The following NSMAF variants were observed in gnomAD, a reference collection of about 807,000 sequenced individuals.
NSMAF encodes protein FAN.
In NSMAF, 90 loss-of-function variants were observed where a neutral mutation model predicts 134.9. The ratio of observed to expected loss-of-function variants is 0.67; its 90% confidence interval spans 0.56 to 0.79. The LOEUF (loss-of-function observed/expected upper bound fraction) is 0.79, where lower values mean the gene tolerates loss of function less well. NSMAF is among the 30% of genes least tolerant of loss of function. The probability of loss-of-function intolerance (pLI) is 0.00; values close to 1 mark genes in which losing one functional copy is unlikely to be tolerated. For synonymous variants in NSMAF, 358 were observed against 389.6 expected, an observed-to-expected ratio of 0.92 and a Z score of 0.96; for missense variants, 1,010 against 1,119.0, an observed-to-expected ratio of 0.90 and a Z score of 1.39.
Position 58,585,695 on chromosome 8 carries a change from G to T in NSMAF, c.2616C>A (p.Asp872Glu). The T allele has an allele frequency of 6.2e-7, 1 of 1,614,074 alleles. No individual in the cohort carries two copies. Among genetic ancestry groups the T allele is most frequent in the African/African-American group, 1.3e-5 (1 of 75,024 alleles). The change falls in exon 30 of 31, where the codon GAC becomes GAA. Residue 872 changes from aspartate to glutamate, a missense_variant. Transcript: ENST00000038176. Reference sequence around the variant, plus strand: ...TCTCACTGATTTTTGCTCCAAGGAGGTCCCAAACGAGCAGTTCACCAGACT... The same window carrying T: ...TCTCACTGATTTTTGCTCCAAGGAGTTCCCAAACGAGCAGTTCACCAGACT... ...GSQSGELLVW[D>E]LLGAKISERI...
chr8:58,647,898 G>A (rs1435133738), intron 1 of NSMAF, among the ~76,000 whole-genome samples: 1 of 152,154 alleles, frequency 6.6e-6, no homozygotes, highest in Non-Finnish European at 1.5e-5. Flanking sequence ...TTTTATTATG[G>A]ATATACGTAA....
chr8:58,584,388 T>A (rs1805835887), intron 30 of NSMAF, among the ~76,000 whole-genome samples, 188 bp from the exon 31 acceptor site: 1 of 152,250 alleles, frequency 6.6e-6, no homozygotes, highest in Admixed American at 6.5e-5. Flanking sequence ...GGTACAAAGA[T>A]CTTGTGAGGA....
At chr8:58,624,517 G>T (rs1382571617) in intron 6 of NSMAF, among the ~76,000 whole-genome samples, 1 of 148,840 alleles carries the variant, frequency 6.7e-6, no homozygotes, top group African/African-American at 2.5e-5. Context: ...TTGACCCATT[G>T]GTTTTTTGAG....
At chr8:58,594,374 C>T in intron 22 of NSMAF, 84 bp from the exon 23 acceptor site, 1 of 1,289,414 alleles carries the variant, frequency 7.8e-7, no homozygotes, top group Non-Finnish European at 1.1e-6. Context: ...TTTAATTTTA[C>T]CAAGTTTCCT....
At chr8:58,594,856 A>G (rs1806100212) in intron 22 of NSMAF, 1 of 155,706 alleles carries the variant, frequency 6.4e-6, no homozygotes, top group South Asian at 1.8e-4. Flanking sequence ...CTGTGATGTG[A>G]AGCCATCCAT....
chr8:58,642,665 T>C (rs141228279), intron 2 of NSMAF, among the ~76,000 whole-genome samples: 8 of 152,264 alleles, frequency 5.3e-5, no homozygotes, highest in African/African-American at 1.7e-4. Flanking sequence ...AACCCCAGAA[T>C]TGGAACAAAT....
chr8:58,597,779 C>T (rs558808713), intron 20 of NSMAF, 81 bp downstream of exon 20: 6 of 1,095,088 alleles, frequency 5.5e-6, no homozygotes, highest in Non-Finnish European at 8.2e-6. Flanking sequence ...CATACCTCAA[C>T]CTTCAAATAA....
intron 30 of NSMAF, 102 bp downstream of exon 30, chr8:58,585,550 G>T: frequency 1.3e-6 from 1 of 785,926 alleles, no homozygotes; most frequent in Non-Finnish European, 2.2e-6. Context: ...GAAAAACCAT[G>T]GGTGTTTTTT....
chr8:58,621,568 GC>G (rs1399266845), intron 9 of NSMAF, among the ~76,000 whole-genome samples: 2 of 152,130 alleles, frequency 1.3e-5, no homozygotes, highest in Non-Finnish European at 2.9e-5. Flanking sequence ...AATTTACACT[GC>G]CACCAACAGG....
At position 58,641,008 on chromosome 8, in the gene NSMAF, G is replaced by C. The variant is rs1364696076; in HGVS notation, c.149+1976C>G. On this transcript the variant is annotated intron_variant, in intron 2 of 30. Transcript: ENST00000038176. ...ATGATCCTGGCTCACTGCAACCTCC[G>C]CCTCCCAAGTTCAAGCAATTCTCCT... Among the ~76,000 whole-genome samples the C allele has an allele frequency of 3.9e-5, 6 of 152,088 alleles. No homozygotes were observed. The East Asian group carries it at 1.2e-3, about 29-fold the overall frequency.
chr8:58,596,625 C>T (rs1806141181), intron 21 of NSMAF, among the ~76,000 whole-genome samples: 1 of 152,158 alleles, frequency 6.6e-6, no homozygotes, highest in African/African-American at 2.4e-5. Context: ...AGAGAGAGCA[C>T]TTTGAATTCA....
At chr8:58,592,705 T>C (rs1257644924) in intron 23 of NSMAF, among the ~76,000 whole-genome samples, 1 of 152,198 alleles carries the variant, frequency 6.6e-6, no homozygotes, top group Middle Eastern at 3.4e-3. Context: ...CTGGCCAACA[T>C]GGTAAAACCC....
intron 1 of NSMAF, chr8:58,659,347 C>G: frequency 6.5e-7 from 1 of 1,527,042 alleles, no homozygotes; most frequent in Non-Finnish European, 8.8e-7. Context: ...GGCCCGTCAT[C>G]CAGTTCCTGT....
At chr8:58,639,050 C>T (rs566308244) in intron 2 of NSMAF, among the ~76,000 whole-genome samples, 13 of 152,076 alleles carry the variant, frequency 8.5e-5, no homozygotes, top group African/African-American at 3.1e-4. Context: ...TTTCGGAGGC[C>T]GAGGCGGGTG....
intron 24 of NSMAF, 57 bp downstream of exon 24, chr8:58,590,810 T>G: frequency 6.8e-7 from 1 of 1,470,472 alleles, no homozygotes; most frequent in Non-Finnish European, 9.3e-7. Flanking sequence ...TGTATGGGTG[T>G]GTATAAAACA....
chr8:58,611,583 C>A (rs900359219), intron 9 of NSMAF, among the ~76,000 whole-genome samples: 41 of 151,916 alleles, frequency 2.7e-4, no homozygotes, highest in Admixed American at 2.4e-3. Flanking sequence ...GAAATAGAAA[C>A]TATGAAAAAG....
intron 30 of NSMAF, among the ~76,000 whole-genome samples, chr8:58,584,718 C>G (rs980489066): frequency 2.0e-5 from 3 of 152,286 alleles, no homozygotes; most frequent in South Asian, 4.1e-4. Context: ...CTCACTGTAG[C>G]CTCTGTCTCC....
intron 9 of NSMAF, among the ~76,000 whole-genome samples, chr8:58,620,604 T>C (rs991500321): frequency 2.6e-5 from 4 of 152,216 alleles, no homozygotes; most frequent in Non-Finnish European, 4.4e-5. Flanking sequence ...TGTATGGCTG[T>C]AAAAGACTAT....
intron 9 of NSMAF, among the ~76,000 whole-genome samples, chr8:58,613,019 A>G (rs1376769464): frequency 6.6e-6 from 1 of 152,230 alleles, no homozygotes. Flanking sequence ...TTCTTCTTAG[A>G]CAAAGCTGAG....
Sources: gnomAD v4.1 joint callset for allele counts (sites outside exome capture counted in the v4.1 genomes callset) on GRCh38, gnomAD v4.1.1 for gene constraint, MANE v1.5 for transcripts, NCBI Gene and HGNC (gene_info 2026-07-23, HGNC 2026-07-21) for gene names.